The following INTS9 variants were observed in gnomAD, a reference collection of about 807,000 sequenced individuals.
INTS9 encodes the protein integrator complex subunit 9.
In INTS9, 55 loss-of-function variants were observed where a neutral mutation model predicts 79.7. That is an observed-to-expected ratio of 0.69 (90% CI 0.56 to 0.86). The LOEUF (loss-of-function observed/expected upper bound fraction) is 0.86, where lower values mean the gene tolerates loss of function less well. Among genes scored for constraint, INTS9 ranks in the 40% least tolerant of loss-of-function variants. The pLI, the probability that INTS9 is intolerant of heterozygous loss-of-function variation, is 0.00. For synonymous variants in INTS9, 319 were observed against 325.2 expected (o/e 0.98, Z 0.20); for missense variants, 721 against 831.5 (o/e 0.87, Z 1.64).
At chr8:28,876,024 A>G (rs907938576) in intron 1 of INTS9, among the ~76,000 whole-genome samples, 3 of 152,150 alleles carry the variant, frequency 2.0e-5, no homozygotes, top group Non-Finnish European at 2.9e-5. Context: ...AAAATAAGCC[A>G]CCACTTAGGG....
At chr8:28,819,706 C>T (rs1450394169) in intron 6 of INTS9, among the ~76,000 whole-genome samples, 2 of 152,072 alleles carry the variant, frequency 1.3e-5, no homozygotes, top group Non-Finnish European at 2.9e-5. Flanking sequence ...CCTGGGTATC[C>T]TTATTAACTT....
At chr8:28,852,483 AT>A (rs1419354959) in intron 2 of INTS9, among the ~76,000 whole-genome samples, 1 of 152,212 alleles carries the variant, frequency 6.6e-6, no homozygotes. Flanking sequence ...ATCAGATCAG[AT>A]TAAGAAAGCA....
At chr8:28,799,088 C>T (rs1804372847) in intron 8 of INTS9, among the ~76,000 whole-genome samples, 2 of 152,104 alleles carry the variant, frequency 1.3e-5, no homozygotes, top group South Asian at 2.1e-4. Flanking sequence ...CGAGGTCAGG[C>T]GTTCGAGACC....
chr8:28,774,356 T>C (rs903751796), intron 14 of INTS9, among the ~76,000 whole-genome samples: 5 of 152,250 alleles, frequency 3.3e-5, no homozygotes, highest in African/African-American at 9.6e-5. Flanking sequence ...ATTTCTCATA[T>C]AGCAAACATC....
At chr8:28,814,433 C>T (rs1805353322) in intron 6 of INTS9, among the ~76,000 whole-genome samples, 1 of 151,920 alleles carries the variant, frequency 6.6e-6, no homozygotes, top group South Asian at 2.1e-4. Flanking sequence ...ACTTCATAGG[C>T]CCAGGAAAGT....
intron 1 of INTS9, among the ~76,000 whole-genome samples, chr8:28,870,233 G>T (rs1056405085): frequency 6.6e-6 from 1 of 151,732 alleles, no homozygotes; most frequent in Non-Finnish European, 1.5e-5. Context: ...GTTACCACAG[G>T]GGCGAGTGGT....
chr8:28,847,041 T>C (rs1221788911), intron 3 of INTS9, among the ~76,000 whole-genome samples: 2 of 152,182 alleles, frequency 1.3e-5, no homozygotes, highest in African/African-American at 4.8e-5. Flanking sequence ...AGGCACATTT[T>C]TTGATACCTC....
At chr8:28,796,862 T>G (rs1334939914) in intron 8 of INTS9, 1 of 500,514 alleles carries the variant, frequency 2.0e-6, no homozygotes, top group Non-Finnish European at 3.6e-6. Flanking sequence ...GGGAGCTTTA[T>G]AAGGGATGAA....
chr8:28,810,616 C>T (rs1247478768), intron 8 of INTS9, among the ~76,000 whole-genome samples: 1 of 151,850 alleles, frequency 6.6e-6, no homozygotes, highest in Non-Finnish European at 1.5e-5. Flanking sequence ...CTCTCTCTCT[C>T]TCTCCGTAAA....
At chr8:28,832,790 C>T (rs576722294) in intron 6 of INTS9, among the ~76,000 whole-genome samples, 1 of 151,238 alleles carries the variant, frequency 6.6e-6, no homozygotes, top group South Asian at 2.1e-4. Context: ...GGTGAAACCC[C>T]ATCTCTACTA....
intron 6 of INTS9, among the ~76,000 whole-genome samples, chr8:28,821,676 A>T (rs1317495392): frequency 2.0e-5 from 3 of 151,884 alleles, no homozygotes; most frequent in Non-Finnish European, 4.4e-5. Context: ...CTCTTCCTTG[A>T]CCAGGGGTGT....
intron 8 of INTS9, among the ~76,000 whole-genome samples, chr8:28,802,720 C>T (rs1358095624): frequency 6.6e-6 from 1 of 152,096 alleles, no homozygotes; most frequent in Non-Finnish European, 1.5e-5. Flanking sequence ...AAACATACTG[C>T]CAAGAGTAAC....
intron 3 of INTS9, among the ~76,000 whole-genome samples, chr8:28,849,541 G>C (rs182608870): frequency 2.6e-5 from 4 of 151,840 alleles, no homozygotes; most frequent in African/African-American, 9.7e-5. Flanking sequence ...AGGCTATCAG[G>C]ACAGGTTGAA....
chr8:28,796,520 G>T (rs761121806), intron 9 of INTS9, 24 bp downstream of exon 9: 3 of 1,271,424 alleles, frequency 2.4e-6, no homozygotes, highest in East Asian at 4.6e-5. Flanking sequence ...ATCATCCAAC[G>T]TAAGATGAGA....
Position 28,768,102 on chromosome 8 carries a change from G to T in INTS9, c.*44C>A. ...CTCAGGTGGCTTGTGAGGGCAGCCA[G>T]TGAGGGACTGCAGGATTTCAGGGAA... On this transcript the variant is annotated 3_prime_UTR_variant, in exon 17 of 17. Coordinates refer to ENST00000521022, the MANE Select transcript of INTS9 (RefSeq NM_018250.4). 1.3e-6 allele frequency: 2 copies of T among 1,591,546 alleles called. No individual in the cohort carries two copies. The highest frequency in any genetic ancestry group is 8.6e-7 in the Non-Finnish European group (1 of 1,160,992).
In INTS9 at chr8:28,812,323, T is replaced by C. The variant is rs771679924; in HGVS notation, c.744+4A>G. 5.0e-6 allele frequency: 8 copies of C among 1,612,214 alleles called. No homozygotes were observed. The highest frequency in any genetic ancestry group is 3.3e-5 in the South Asian group (3 of 90,580). The stretch of plus-strand genomic sequence containing the variant: ...TGAGTTGCTAGAAGAGAATTTGGAA[T>C]TACCTGGGGGTGTGTGGTAAGCAAG... On this transcript the variant is annotated splice_donor_region_variant and intron_variant, in intron 8 of 16. Coordinates refer to ENST00000521022, the MANE Select transcript of INTS9 (RefSeq NM_018250.4).
rs1234944897 is a variant in INTS9, at chr8:28,780,843, A to G, written c.1250T>C (p.Leu417Pro). 8 of 1,614,048 alleles carry G rather than the reference A, an allele frequency of 5.0e-6. No individual in the cohort carries two copies. The highest frequency in any genetic ancestry group is 1.1e-5 in the South Asian group (1 of 91,082). Residue 417 changes from leucine to proline, a missense_variant, in exon 12 of 17, where the codon CTC (leucine) becomes CCC (proline). Leu to Pro is a moderately conservative substitution (Grantham distance 98). Coordinates refer to ENST00000521022, the MANE Select transcript of INTS9 (RefSeq NM_018250.4). Reference protein sequence around the residue: ...HFMELWGKSSLNTVIFTEPDF... With the variant: ...HFMELWGKSSPNTVIFTEPDF... ...CTTACCCGTGAATATGACGGTATTG[A>G]GACTAGATTTTCCCCAGAGCTCCAT...
intron 11 of INTS9, among the ~76,000 whole-genome samples, chr8:28,785,435 T>G (rs1803530473): frequency 6.6e-6 from 1 of 152,232 alleles, no homozygotes; most frequent in African/African-American, 2.4e-5. Context: ...TTGGAAGAAC[T>G]TTCCCCTCTT....
At chr8:28,880,280 C>T (rs1022920186) in intron 1 of INTS9, among the ~76,000 whole-genome samples, 1 of 144,988 alleles carries the variant, frequency 6.9e-6, no homozygotes, top group Non-Finnish European at 1.5e-5. Context: ...CTCCCTCTCT[C>T]TCCCTCCACG....
Sources: allele counts gnomAD v4.1 joint callset (sites outside exome capture counted in the v4.1 genomes callset), GRCh38; gene constraint gnomAD v4.1.1; transcripts MANE v1.5; gene names NCBI Gene and HGNC (gene_info 2026-07-23, HGNC 2026-07-21).